The following DGKI variants were observed in gnomAD, a reference collection of about 807,000 sequenced individuals.
DGKI encodes the protein diacylglycerol kinase iota, also known as DAG kinase iota.
DGKI carries 55 observed loss-of-function variants against 147.5 expected under a neutral mutation model. That is an observed-to-expected ratio of 0.37 (90% CI 0.30 to 0.47). The LOEUF (loss-of-function observed/expected upper bound fraction) is 0.47. DGKI is among the 20% of genes least tolerant of loss of function. DGKI has a pLI of 1.00. For missense variants in DGKI, 1,007 were observed against 1,323.8 expected, an observed-to-expected ratio of 0.76 and a Z score of 3.71; for synonymous variants, 469 against 477.1, an observed-to-expected ratio of 0.98 and a Z score of 0.22.
At chr7:137,657,522 T>C (rs537198906) in intron 3 of DGKI, among the ~76,000 whole-genome samples, 15 of 152,346 alleles carry the variant, frequency 9.8e-5, no homozygotes, top group Admixed American at 6.5e-4. Context: ...ATGCAGGATC[T>C]AAGATAGGAA....
intron 19 of DGKI, among the ~76,000 whole-genome samples, chr7:137,556,408 GA>G (rs1818224960): frequency 6.6e-6 from 1 of 151,620 alleles, no homozygotes. Context: ...AGAATTAAAA[GA>G]AAAAATGCAA....
At chr7:137,639,824 T>A (rs1821557655) in intron 6 of DGKI, among the ~76,000 whole-genome samples, 1 of 152,004 alleles carries the variant, frequency 6.6e-6, no homozygotes, top group African/African-American at 2.4e-5. Flanking sequence ...TTAGCCCCCA[T>A]CCTCTTTTCT....
At chr7:137,754,631 T>C (rs1379635501) in intron 1 of DGKI, among the ~76,000 whole-genome samples, 1 of 152,198 alleles carries the variant, frequency 6.6e-6, no homozygotes, top group Non-Finnish European at 1.5e-5. Context: ...ACCTCATGGA[T>C]AATTGATAGC....
intron 29 of DGKI, among the ~76,000 whole-genome samples, chr7:137,408,747 G>A (rs1191706222): frequency 1.3e-5 from 2 of 152,136 alleles, no homozygotes; most frequent in East Asian, 3.9e-4. Flanking sequence ...GTAGCCTGAG[G>A]ATAAGGTGGC....
At chr7:137,521,602 G>C (rs889094314) in intron 21 of DGKI, among the ~76,000 whole-genome samples, 1 of 152,068 alleles carries the variant, frequency 6.6e-6, no homozygotes, top group Non-Finnish European at 1.5e-5. Context: ...AGGCAAATCT[G>C]AGACTAAAGT....
At chr7:137,805,247 G>A (rs1273842028) in intron 1 of DGKI, among the ~76,000 whole-genome samples, 1 of 152,174 alleles carries the variant, frequency 6.6e-6, no homozygotes, top group East Asian at 1.9e-4. Context: ...TGTGCTTGAG[G>A]GAAGCTAGAG....
intron 1 of DGKI, among the ~76,000 whole-genome samples, chr7:137,832,021 A>G (rs1798234298): frequency 6.6e-6 from 1 of 152,258 alleles, no homozygotes; most frequent in African/African-American, 2.4e-5. Flanking sequence ...TCTCAAATTC[A>G]GGTCGTGCTG....
rs76465581 is a variant in DGKI, at chr7:137,756,635, T to C, written c.402-66633A>G. Among the ~76,000 whole-genome samples, 1,125 of 152,328 alleles carry C rather than the reference T, an allele frequency of 7.4e-3. 14 individuals carry two copies. Among genetic ancestry groups the C allele is most frequent in the African/African-American group, 0.025 (1,046 of 41,568 alleles). On this transcript the variant is annotated intron_variant, in intron 1 of 32. Coordinates refer to ENST00000614521, the MANE Select transcript of DGKI (RefSeq NM_001321708.2). ...AGCTAGTAAACCTAGTTATTTTCCA[T>C]GCAGTGCTGTTCTTAAAGAGCTATT...
At chr7:137,749,237 TTC>T (rs1190222200) in intron 1 of DGKI, among the ~76,000 whole-genome samples, 3 of 152,176 alleles carry the variant, frequency 2.0e-5, no homozygotes, top group African/African-American at 7.2e-5. Context: ...TAGCTGCTGT[TTC>T]TGTTTCTTTA....
intron 3 of DGKI, among the ~76,000 whole-genome samples, chr7:137,664,723 C>T (rs1002632343): frequency 2.0e-5 from 3 of 152,114 alleles, no homozygotes; most frequent in African/African-American, 7.2e-5. Flanking sequence ...TTACAGGCAT[C>T]AGACACCGTG....
At chr7:137,475,211 TG>T (rs957313589) in intron 23 of DGKI, among the ~76,000 whole-genome samples, 19 of 152,268 alleles carry the variant, frequency 1.2e-4, no homozygotes, top group Admixed American at 1.2e-3. Flanking sequence ...TTCTGAGTTT[TG>T]GAGAAAACAA....
chr7:137,759,046 A>G (rs923011691), intron 1 of DGKI, among the ~76,000 whole-genome samples: 44 of 152,244 alleles, frequency 2.9e-4, no homozygotes, highest in Non-Finnish European at 3.4e-4. Context: ...TTGGGCTTCA[A>G]GTATACTCAT....
At chr7:137,666,590 G>A (rs1482423676) in intron 3 of DGKI, among the ~76,000 whole-genome samples, 2 of 152,116 alleles carry the variant, frequency 1.3e-5, no homozygotes, top group Admixed American at 1.3e-4. Flanking sequence ...TAACAAGCAT[G>A]GCGAAGGGCC....
chr7:137,669,325 T>C (rs963939769), intron 3 of DGKI, among the ~76,000 whole-genome samples: 6 of 152,106 alleles, frequency 3.9e-5, no homozygotes, highest in African/African-American at 1.4e-4. Context: ...CCAGTAGTGG[T>C]TTTGGAGTAA....
intron 5 of DGKI, among the ~76,000 whole-genome samples, chr7:137,653,673 C>A (rs954595836): frequency 6.6e-6 from 1 of 152,218 alleles, no homozygotes; most frequent in Admixed American, 6.5e-5. Context: ...TGACCCCTCT[C>A]CTCTCTTTCC....
intron 27 of DGKI, among the ~76,000 whole-genome samples, chr7:137,447,988 C>G (rs899308608): frequency 6.6e-6 from 1 of 152,104 alleles, no homozygotes; most frequent in Non-Finnish European, 1.5e-5. Flanking sequence ...TTTGATTAAA[C>G]TAGGTATTTA....
chr7:137,642,092 G>A (rs1159576620), intron 6 of DGKI, among the ~76,000 whole-genome samples: 1 of 152,010 alleles, frequency 6.6e-6, no homozygotes, highest in East Asian at 1.9e-4. Flanking sequence ...ATTGACTACA[G>A]GTTTGCATTA....
chr7:137,466,404 C>T (rs1814661357), intron 25 of DGKI, among the ~76,000 whole-genome samples: 1 of 152,186 alleles, frequency 6.6e-6, no homozygotes, highest in East Asian at 1.9e-4. Context: ...TGGTTAACAA[C>T]TTTATCATTA....
At chr7:137,826,771 T>C (rs542824525) in intron 1 of DGKI, among the ~76,000 whole-genome samples, 269 of 152,266 alleles carry the variant, frequency 1.8e-3, no homozygotes, top group Middle Eastern at 3.4e-3. Context: ...GGAAAGTGCC[T>C]AGCTCAGAGG....
Sources: allele counts gnomAD v4.1 joint callset (sites outside exome capture counted in the v4.1 genomes callset), GRCh38; gene constraint gnomAD v4.1.1; transcripts MANE v1.5; gene names NCBI Gene and HGNC (gene_info 2026-07-23, HGNC 2026-07-21).